GOLM2: variants seen among roughly 807,000 people sequenced by gnomAD.
GOLM2 encodes golgi membrane protein 2, also known as protein GOLM2.
A neutral mutation model predicts 55.9 loss-of-function variants in GOLM2; 26 were observed. The ratio of observed to expected loss-of-function variants is 0.47; its 90% CI spans 0.34 to 0.65. The LOEUF (loss-of-function observed/expected upper bound fraction) is 0.65. Among genes scored for constraint, GOLM2 ranks in the 30% least tolerant of loss-of-function variants. The pLI is 0.01. For missense variants in GOLM2, 486 were observed against 531.8 expected (o/e 0.91, Z 0.85); for synonymous variants, 165 against 194.6 (o/e 0.85, Z 1.27).
rs1439724388 is a variant in GOLM2 at position 44,361,550 on chromosome 15, A to G, written c.803-18140A>G. ...AACAGGAGCTGAAATTGTGGCAATA[A>G]TCAATAGCTTACCAACGAAAAAGAG... On this transcript the variant is annotated intron_variant, in intron 6 of 9. Coordinates refer to ENST00000299957, the MANE Select transcript of GOLM2 (RefSeq NM_138423.4). Among the ~76,000 whole-genome samples the G allele has an allele frequency of 2.0e-5, 3 of 152,326 alleles. No homozygotes were observed. In the East Asian group the frequency reaches 5.8e-4, roughly 29 times the overall value.
At chr15:44,341,820 T>C (rs1433142025) in intron 6 of GOLM2, among the ~76,000 whole-genome samples, 3 of 150,922 alleles carry the variant, frequency 2.0e-5, no homozygotes, top group Non-Finnish European at 4.4e-5. Flanking sequence ...CTCAGCCTCC[T>C]GAGTAGCTGG....
chr15:44,372,320 A>G (rs1337070609), intron 6 of GOLM2, among the ~76,000 whole-genome samples: 4 of 152,170 alleles, frequency 2.6e-5, no homozygotes, highest in Admixed American at 6.6e-5. Context: ...CTCTATAGCC[A>G]TAGGCACTGG....
At chr15:44,344,933 A>G (rs2079113882) in intron 6 of GOLM2, among the ~76,000 whole-genome samples, 1 of 150,532 alleles carries the variant, frequency 6.6e-6, no homozygotes, top group Non-Finnish European at 1.5e-5. Flanking sequence ...ACCCGCCACA[A>G]GTAGCTGGGA....
At chr15:44,328,644 G>T in intron 2 of GOLM2, 41 bp from the exon 3 acceptor site, 1 of 1,368,454 alleles carries the variant, frequency 7.3e-7, no homozygotes, top group South Asian at 1.2e-5. Flanking sequence ...GCATTACAAT[G>T]AGTGAACTTG....
intron 4 of GOLM2, 37 bp downstream of exon 4, chr15:44,332,115 T>C: frequency 1.0e-6 from 1 of 1,001,454 alleles, no homozygotes; most frequent in Non-Finnish European, 1.5e-6. Context: ...CAAATATTTT[T>C]ATTATAAATC....
At chr15:44,293,138 G>A (rs1031066890) in intron 1 of GOLM2, among the ~76,000 whole-genome samples, 1 of 152,036 alleles carries the variant, frequency 6.6e-6, no homozygotes, top group Non-Finnish European at 1.5e-5. Context: ...GAAAATTATT[G>A]GAAAATTAGA....
chr15:44,341,619 G>A (rs2079091030), intron 6 of GOLM2, among the ~76,000 whole-genome samples: 2 of 151,332 alleles, frequency 1.3e-5, no homozygotes, highest in South Asian at 4.2e-4. Flanking sequence ...ACTCCAGCAG[G>A]ATAGAAATCT....
intron 8 of GOLM2, among the ~76,000 whole-genome samples, chr15:44,387,060 C>T (rs1344653169): frequency 2.7e-5 from 4 of 146,032 alleles, no homozygotes; most frequent in South Asian, 4.4e-4. Context: ...CTGTAGTCCC[C>T]GTTACTTGGG....
At chr15:44,363,985 T>C (rs1028750029) in intron 6 of GOLM2, among the ~76,000 whole-genome samples, 2 of 151,648 alleles carry the variant, frequency 1.3e-5, no homozygotes, top group African/African-American at 4.9e-5. Flanking sequence ...TAGGTGGGAA[T>C]TGAACAATGA....
At chr15:44,413,198 G>C (rs2141223534) in intron 9 of GOLM2, 138 bp from the exon 10 acceptor site, 1 of 562,966 alleles carries the variant, frequency 1.8e-6, no homozygotes, top group Admixed American at 3.6e-5. Context: ...AAGCAACTAA[G>C]AAATAGAACA....
chr15:44,300,267 A>C (rs1053453018), intron 1 of GOLM2, among the ~76,000 whole-genome samples: 1 of 151,648 alleles, frequency 6.6e-6, no homozygotes, highest in African/African-American at 2.4e-5. Context: ...GGGAGGGAGG[A>C]AGGAAGGAAG....
chr15:44,341,376 G>A lies in GOLM2; in HGVS notation c.802+3059G>A, dbSNP rs2079089700. Among the ~76,000 whole-genome samples, 8 of 151,684 alleles carry A rather than the reference G, an allele frequency of 5.3e-5. No individual in the cohort carries two copies. In the South Asian group the frequency reaches 1.7e-3, roughly 32 times the overall value. On this transcript the variant is annotated intron_variant, in intron 6 of 9. Transcript: ENST00000299957. Reference sequence around the variant, plus strand: ...ATTACAGGCGTGAGCCACCACGCCTGGCATATTTCCACATACTTTTCAAGT... The same window carrying A: ...ATTACAGGCGTGAGCCACCACGCCTAGCATATTTCCACATACTTTTCAAGT...
intron 9 of GOLM2, among the ~76,000 whole-genome samples, chr15:44,409,097 G>A (rs1377369933): frequency 6.6e-6 from 1 of 151,798 alleles, no homozygotes; most frequent in Non-Finnish European, 1.5e-5. Context: ...CTAACAAGGT[G>A]AAACCCCATC....
intron 6 of GOLM2, among the ~76,000 whole-genome samples, chr15:44,369,342 ACTAT>A (rs2079313830): frequency 6.7e-6 from 1 of 150,052 alleles, no homozygotes. Context: ...CCCTGACCAA[ACTAT>A]CTAAAATAGA....
Position 44,396,635 on chromosome 15 carries a change from G to T in GOLM2, c.1073-6252G>T, listed in dbSNP as rs146926191. On this transcript the variant is annotated intron_variant, in intron 8 of 9. Coordinates refer to ENST00000299957, the MANE Select transcript of GOLM2 (RefSeq NM_138423.4). ...CAGAATGTCTAGCATTCTGTTTGAA[G>T]TTTTATTGTGTTGTTTAGCGTGAAT... Among the ~76,000 whole-genome samples the T allele has an allele frequency of 6.6e-5, 10 of 152,276 alleles. No individual in the cohort carries two copies. The East Asian group carries it at 1.9e-3, about 29-fold the overall frequency.
At chr15:44,341,645 G>A (rs961285497) in intron 6 of GOLM2, among the ~76,000 whole-genome samples, 15 of 148,032 alleles carry the variant, frequency 1.0e-4, no homozygotes, top group African/African-American at 3.0e-4. Context: ...TGCCGCTTCT[G>A]CTTTCTTAAT....
intron 1 of GOLM2, among the ~76,000 whole-genome samples, chr15:44,306,213 A>G (rs968273085): frequency 9.2e-5 from 14 of 152,192 alleles, no homozygotes; most frequent in African/African-American, 3.4e-4. Flanking sequence ...AGCCACCTTC[A>G]GTGATCTTAG....
chr15:44,369,068 TATATATATA>T (rs1567037144), intron 6 of GOLM2, among the ~76,000 whole-genome samples: 114 of 5,826 alleles, frequency 0.02, 3 homozygotes, highest in African/African-American at 0.049. Context: ...TAGGATATAT[TATATATATA>T]TATATATATA....
intron 4 of GOLM2, among the ~76,000 whole-genome samples, chr15:44,333,637 G>T (rs762017233): frequency 4.6e-5 from 7 of 152,136 alleles, no homozygotes; most frequent in Non-Finnish European, 8.8e-5. Flanking sequence ...AACACAAAAG[G>T]AAGGGGAAGA....
Sources: allele counts gnomAD v4.1 joint callset (sites outside exome capture counted in the v4.1 genomes callset), GRCh38; gene constraint gnomAD v4.1.1; transcripts MANE v1.5; gene names NCBI Gene and HGNC (gene_info 2026-07-23, HGNC 2026-07-21).